DEAF1: variants seen among roughly 807,000 people sequenced by gnomAD.
The protein encoded by DEAF1 is DEAF1 transcription factor, also known as deformed epidermal autoregulatory factor 1 homolog.
Under a neutral mutation model 58.9 loss-of-function variants are expected in DEAF1, and 53 were observed. That is an observed-to-expected ratio of 0.90 (90% CI 0.72 to 1.13). DEAF1 has a LOEUF of 1.13. Ranked by LOEUF, DEAF1 falls within the 50% of genes most tolerant of loss-of-function variation. The probability of loss-of-function intolerance (pLI) is 0.00; values close to 1 mark genes in which losing one functional copy is unlikely to be tolerated. For synonymous variants in DEAF1, 385 were observed against 340.4 expected (o/e 1.13, Z -1.44); for missense variants, 685 against 791.4 (o/e 0.87, Z 1.61).
upstream of DEAF1, chr11:695,441 C>A: frequency 2.1e-6 from 1 of 480,182 alleles, no homozygotes; most frequent in East Asian, 3.5e-5. Context: ...CGGCTGTCGT[C>A]CCCGGCCGAC....
At chr11:652,084 C>T (rs866689249) in intron 11 of DEAF1, among the ~76,000 whole-genome samples, 2 of 152,312 alleles carry the variant, frequency 1.3e-5, no homozygotes, top group Middle Eastern at 3.4e-3. Context: ...CATGATAAGA[C>T]CATACGCTAG....
intron 1 of DEAF1, chr11:704,904 G>GT: frequency 2.8e-6 from 1 of 355,320 alleles, no homozygotes; most frequent in Non-Finnish European, 5.5e-6. Flanking sequence ...TCCAGGAAGG[G>GT]TGAGGGCACG....
chr11:653,016 A>G (rs982239521), intron 11 of DEAF1, among the ~76,000 whole-genome samples: 9 of 142,628 alleles, frequency 6.3e-5, no homozygotes, highest in Non-Finnish European at 9.0e-5. Flanking sequence ...CCCGGGAGGC[A>G]GAGGTTGCAG....
In DEAF1 at chr11:679,831, G is replaced by C; in HGVS notation, c.998-15C>G. On this transcript the variant is annotated splice_polypyrimidine_tract_variant and intron_variant, in intron 7 of 11. Coordinates refer to ENST00000382409, the MANE Select transcript of DEAF1 (RefSeq NM_021008.4). ...GGTCACGGTGACTGGAAAGGCAGAA[G>C]CACATTTCACGCGGCCAGGCAGTGG... 6.2e-7 allele frequency: 1 copy of C among 1,612,656 alleles called. No homozygotes were observed. Among genetic ancestry groups the C allele is most frequent in the Admixed American group, 1.7e-5 (1 of 60,032 alleles).
intron 1 of DEAF1, chr11:704,959 G>A (rs952719136): frequency 3.0e-6 from 1 of 331,140 alleles, no homozygotes; most frequent in Non-Finnish European, 5.9e-6. Context: ...CTCTGGGTCA[G>A]GGCAAGCTCA....
intron 1 of DEAF1, among the ~76,000 whole-genome samples, chr11:694,050 G>A (rs1409056111): frequency 3.3e-5 from 5 of 152,186 alleles, no homozygotes; most frequent in East Asian, 1.9e-4. Flanking sequence ...CAGCGCTCAG[G>A]TCATGCCTGA....
chr11:691,748 G>A (rs571110227), intron 1 of DEAF1, 150 bp from the exon 2 acceptor site: 6 of 711,150 alleles, frequency 8.4e-6, no homozygotes, highest in South Asian at 3.0e-5. Flanking sequence ...GAACACGCTC[G>A]ACCTACATTT....
upstream of DEAF1, among the ~76,000 whole-genome samples, chr11:697,191 C>T (rs1239920619): frequency 2.3e-5 from 3 of 132,702 alleles, no homozygotes; most frequent in Non-Finnish European, 3.4e-5. Flanking sequence ...GAGGTTGAGA[C>T]TGCAGTGAGC....
chr11:691,094 A>G (rs1860813892), intron 2 of DEAF1, among the ~76,000 whole-genome samples: 1 of 152,266 alleles, frequency 6.6e-6, no homozygotes, highest in Non-Finnish European at 1.5e-5. Context: ...AGACTGCACC[A>G]TAAATGCTAC....
chr11:669,307 T>C (rs1859700948), intron 10 of DEAF1, among the ~76,000 whole-genome samples: 1 of 152,018 alleles, frequency 6.6e-6, no homozygotes, highest in South Asian at 2.1e-4. Flanking sequence ...TTTCTAAGCA[T>C]ATTGGAGTTG....
chr11:695,914 A>T (rs1236477556), upstream of DEAF1: 6 of 1,164,890 alleles, frequency 5.2e-6, no homozygotes, highest in Middle Eastern at 6.5e-4. Flanking sequence ...TGTGGTGACA[A>T]TCCGGTTTCC....
At chr11:680,248 C>A (rs1468732082) in intron 7 of DEAF1, among the ~76,000 whole-genome samples, 1 of 152,202 alleles carries the variant, frequency 6.6e-6, no homozygotes, top group Non-Finnish European at 1.5e-5. Context: ...AAAAAAAAAT[C>A]CTGGCGACAG....
At chr11:648,251 G>C (rs10794329) in intron 11 of DEAF1, among the ~76,000 whole-genome samples, 58,013 of 144,630 alleles carry the variant, frequency 0.4, 11,884 homozygotes, top group East Asian at 0.53. Context: ...CTGGAGTGCT[G>C]TGGCACGATC....
intron 1 of DEAF1, among the ~76,000 whole-genome samples, chr11:702,471 C>A (rs550477758): frequency 1.3e-5 from 2 of 152,218 alleles, no homozygotes; most frequent in African/African-American, 4.8e-5. Context: ...GGCACCTGGG[C>A]TCAGCTAGTG....
At chr11:668,876 A>T (rs1255727238) in intron 10 of DEAF1, among the ~76,000 whole-genome samples, 1 of 152,104 alleles carries the variant, frequency 6.6e-6, no homozygotes, top group Non-Finnish European at 1.5e-5. Flanking sequence ...CCCAGGCTGG[A>T]CTGCAGTGGT....
intron 1 of DEAF1, among the ~76,000 whole-genome samples, 170 bp from the exon 2 acceptor site, chr11:691,768 T>C (rs974535942): frequency 2.0e-5 from 3 of 152,172 alleles, no homozygotes; most frequent in Non-Finnish European, 4.4e-5. Context: ...TCTATTCCAT[T>C]GTCTAAGTCA....
Position 694,996 on chromosome 11 carries a change from C to G in DEAF1, c.52G>C (p.Ala18Pro). 1 of 1,209,742 alleles carries G rather than the reference C, an allele frequency of 8.3e-7. No homozygotes were observed. The highest frequency in any genetic ancestry group is 1.0e-6 in the Non-Finnish European group (1 of 972,610). The allele number at this position is 1,209,742 out of a possible 1,614,324, so 74.9% of individuals were successfully genotyped here. The change falls in exon 1 of 12, where the codon GCG (alanine) becomes CCG (proline). Residue 18 changes from alanine (A) to proline (P), a missense_variant. Transcript: ENST00000382409. ...AKQLGLAEAAAVAAAAAVAAA... is the reference protein window; with the variant it reads ...AKQLGLAEAAPVAAAAAVAAA... ...GCCACAGCGGCCGCGGCCGCCACCG[C>G]CGCCGCCTCAGCCAGGCCCAGCTGC...
chr11:696,263 A>G (rs943647853), upstream of DEAF1, among the ~76,000 whole-genome samples: 2 of 152,142 alleles, frequency 1.3e-5, no homozygotes, highest in Admixed American at 1.3e-4. Flanking sequence ...GAGAGGAGGA[A>G]GGGACAGACC....
upstream of DEAF1, among the ~76,000 whole-genome samples, chr11:698,631 G>T (rs529942711): frequency 6.6e-6 from 1 of 152,092 alleles, no homozygotes; most frequent in Non-Finnish European, 1.5e-5. Context: ...CGGTGCCCCC[G>T]GTACTCGCTG....
Sources: gnomAD v4.1 joint callset for allele counts (sites outside exome capture counted in the v4.1 genomes callset) on GRCh38, gnomAD v4.1.1 for gene constraint, MANE v1.5 for transcripts, NCBI Gene and HGNC (gene_info 2026-07-23, HGNC 2026-07-21) for gene names.